The following FBP1 variants were observed in gnomAD, a reference collection of about 807,000 sequenced individuals.
FBP1 encodes the protein fructose-1,6-bisphosphatase 1.
Under a neutral mutation model 29.9 loss-of-function variants are expected in FBP1, and 22 were observed. The ratio of observed to expected loss-of-function variants is 0.74; its 90% CI spans 0.53 to 1.05. The LOEUF is 1.05. Among genes scored for constraint, FBP1 ranks in the 50% least tolerant of loss-of-function variants. The pLI, the probability that FBP1 is intolerant of heterozygous loss-of-function variation, is 0.00. For missense variants in FBP1, 345 were observed against 448.2 expected (o/e 0.77, Z 2.08); for synonymous variants, 175 against 178.6 (o/e 0.98, Z 0.16).
intron 3 of FBP1, 127 bp from the exon 4 acceptor site, chr9:94,610,188 C>T (rs2131477103): frequency 1.1e-6 from 1 of 904,886 alleles, no homozygotes; most frequent in Non-Finnish European, 1.8e-6. Flanking sequence ...CCCAGAGGGG[C>T]CTTCCCCTAC....
intron 1 of FBP1, among the ~76,000 whole-genome samples, chr9:94,623,513 A>C (rs756271594): frequency 1.3e-5 from 2 of 152,240 alleles, no homozygotes; most frequent in African/African-American, 4.8e-5. Context: ...TAATAGGTGC[A>C]GCCTGACAGG....
At chr9:94,638,839 G>A (rs752587770) in intron 1 of FBP1, among the ~76,000 whole-genome samples, 1 of 152,116 alleles carries the variant, frequency 6.6e-6, no homozygotes, top group Non-Finnish European at 1.5e-5. Flanking sequence ...CGGCTGAGAG[G>A]GGTACGAGGC....
At chr9:94,636,929 A>G (rs941354483) in intron 1 of FBP1, among the ~76,000 whole-genome samples, 2 of 152,150 alleles carry the variant, frequency 1.3e-5, no homozygotes, top group Non-Finnish European at 1.5e-5. Flanking sequence ...ACTTTGAGTG[A>G]TCTACCCGTC....
At chr9:94,610,868 T>TC (rs972303372) in intron 3 of FBP1, among the ~76,000 whole-genome samples, 18 of 120,286 alleles carry the variant, frequency 1.5e-4, no homozygotes, top group Admixed American at 7.4e-5. Flanking sequence ...ATTTTCTTCT[T>TC]TTTTTTTTTT....
At chr9:94,625,442 A>C (rs907860540) in intron 1 of FBP1, among the ~76,000 whole-genome samples, 4 of 151,922 alleles carry the variant, frequency 2.6e-5, no homozygotes, top group Non-Finnish European at 5.9e-5. Flanking sequence ...CGGGGCTCTC[A>C]CCACAGAACT....
chr9:94,615,270 T>G (rs766564110), intron 3 of FBP1, among the ~76,000 whole-genome samples: 2 of 152,236 alleles, frequency 1.3e-5, no homozygotes, highest in Non-Finnish European at 2.9e-5. Flanking sequence ...AGCCTTATTG[T>G]TGAGAATTCT....
At position 94,603,414 on chromosome 9, in the gene FBP1, G is replaced by C; in HGVS notation, c.984C>G (p.Phe328Leu). The change falls in exon 7 of 7, where the codon TTC becomes TTG. Residue 328 changes from phenylalanine (F) to leucine (L), a missense_variant. Physicochemically the swap from Phe to Leu is conservative, Grantham distance 22. Coordinates refer to ENST00000375326, the MANE Select transcript of FBP1 (RefSeq NM_000507.4). ...ILGSPDDVLE[F>L]LKVYEKHSAQ is the part of the protein sequence containing the mutation. ...CAGAGTGCTTCTCATACACCTTCAG[G>C]AACTCGAGCACGTCGTCGGGGGATC... The C allele has an allele frequency of 1.2e-6, 2 of 1,614,030 alleles. No individual in the cohort carries two copies. Among genetic ancestry groups the C allele is most frequent in the South Asian group, 1.1e-5 (1 of 91,042 alleles).
chr9:94,638,143 G>A (rs535640249), intron 1 of FBP1, among the ~76,000 whole-genome samples: 1 of 150,578 alleles, frequency 6.6e-6, no homozygotes, highest in Non-Finnish European at 1.5e-5. Context: ...CAACACAAAC[G>A]AAAGGATGTT....
chr9:94,615,256 G>GA (rs1827846504), intron 3 of FBP1, among the ~76,000 whole-genome samples: 1 of 152,164 alleles, frequency 6.6e-6, no homozygotes, highest in South Asian at 2.1e-4. Context: ...TGAGAAGACA[G>GA]CCGAGCCTTA....
chr9:94,623,531 CG>C (rs1381125161), intron 1 of FBP1, among the ~76,000 whole-genome samples: 1 of 152,160 alleles, frequency 6.6e-6, no homozygotes, highest in African/African-American at 2.4e-5. Context: ...AGGGACAGCT[CG>C]GGGGGCCGGG....
chr9:94,609,816 G>C, intron 4 of FBP1, 105 bp downstream of exon 4: 1 of 1,258,352 alleles, frequency 7.9e-7, no homozygotes, highest in South Asian at 1.2e-5. Flanking sequence ...GTCCCTCCAT[G>C]GGCATCACCT....
chr9:94,603,675 G>A, intron 6 of FBP1, 103 bp from the exon 7 acceptor site: 1 of 1,045,178 alleles, frequency 9.6e-7, no homozygotes, highest in Admixed American at 1.8e-5. Flanking sequence ...GAGTTTCCAA[G>A]GGAACGAATA....
intron 3 of FBP1, among the ~76,000 whole-genome samples, chr9:94,614,978 G>A (rs1352470128): frequency 7.2e-5 from 11 of 151,850 alleles, no homozygotes; most frequent in Admixed American, 5.9e-4. Context: ...GTGCGATCTC[G>A]GCTCACTGCA....
At chr9:94,618,723 C>T (rs1178214762) in intron 2 of FBP1, among the ~76,000 whole-genome samples, 2 of 152,074 alleles carry the variant, frequency 1.3e-5, no homozygotes, top group Admixed American at 6.6e-5. Flanking sequence ...CCGCAGATTC[C>T]TGTTTTGAGT....
At chr9:94,639,912 G>A (rs1183007092), upstream of FBP1, 6 of 181,744 alleles carry the variant, frequency 3.3e-5, no homozygotes, top group Non-Finnish European at 6.8e-5. Flanking sequence ...CACATGGCCT[G>A]GCTTTAGCTC....
intron 6 of FBP1, among the ~76,000 whole-genome samples, chr9:94,604,782 A>G (rs1416616399): frequency 6.6e-6 from 1 of 152,154 alleles, no homozygotes; most frequent in Non-Finnish European, 1.5e-5. Flanking sequence ...GACTCTGCCT[A>G]AAAAGCCATC....
intron 1 of FBP1, among the ~76,000 whole-genome samples, chr9:94,622,846 A>G (rs1827968100): frequency 6.6e-6 from 1 of 152,084 alleles, no homozygotes; most frequent in Non-Finnish European, 1.5e-5. Context: ...AGGCAGCCAA[A>G]ATCTGGGAGG....
At chr9:94,620,545 T>C in intron 1 of FBP1, 54 bp from the exon 2 acceptor site, 3 of 1,573,664 alleles carry the variant, frequency 1.9e-6, no homozygotes, top group Non-Finnish European at 2.6e-6. Context: ...AACATGTAGA[T>C]GAGTCCATAA....
At chr9:94,606,988 G>GA in intron 4 of FBP1, 36 bp from the exon 5 acceptor site, 3 of 1,613,560 alleles carry the variant, frequency 1.9e-6, no homozygotes, top group Non-Finnish European at 2.5e-6. Context: ...GAGAGATGAC[G>GA]AGCGCACTGG....
Sources: gnomAD v4.1 joint callset for allele counts (sites outside exome capture counted in the v4.1 genomes callset) on GRCh38, gnomAD v4.1.1 for gene constraint, MANE v1.5 for transcripts, NCBI Gene and HGNC (gene_info 2026-07-23, HGNC 2026-07-21) for gene names.